DYNC1I2: variants seen among roughly 807,000 people sequenced by gnomAD.
DYNC1I2 encodes the protein dynein cytoplasmic 1 intermediate chain 2, also known as cytoplasmic dynein 1 intermediate chain 2.
DYNC1I2 carries 53 observed loss-of-function variants against 88.6 expected under a neutral mutation model. The observed-to-expected ratio is 0.60, with a 90% CI of 0.48 to 0.75. DYNC1I2 has a LOEUF of 0.75. DYNC1I2 is among the 30% of genes least tolerant of loss of function. The pLI, the probability that DYNC1I2 is intolerant of heterozygous loss-of-function variation, is 0.00. For missense variants in DYNC1I2, 458 were observed against 766.6 expected, an observed-to-expected ratio of 0.60 and a Z score of 4.75; for synonymous variants, 198 against 254.6, an observed-to-expected ratio of 0.78 and a Z score of 2.12.
intron 7 of DYNC1I2, among the ~76,000 whole-genome samples, chr2:171,724,294 A>G (rs1688093944): frequency 6.6e-6 from 1 of 152,222 alleles, no homozygotes; most frequent in African/African-American, 2.4e-5. Flanking sequence ...CTCTAAACCT[A>G]ACAGTATGTG....
chr2:171,722,370 T>C (rs1180498284), intron 7 of DYNC1I2, among the ~76,000 whole-genome samples: 2 of 152,174 alleles, frequency 1.3e-5, no homozygotes, highest in African/African-American at 2.4e-5. Flanking sequence ...GCTACTTTTA[T>C]GCACTCTTTA....
At chr2:171,706,742 A>C in intron 4 of DYNC1I2, 178 bp downstream of exon 4, 1 of 498,972 alleles carries the variant, frequency 2.0e-6, no homozygotes, top group Non-Finnish European at 3.5e-6. Context: ...CTCTAAATTG[A>C]TATCTTTTTT....
chr2:171,706,561 T>C lies in DYNC1I2; in HGVS notation c.241T>C (p.Trp81Arg), dbSNP rs1351973141. ...PESPIVFSEY[W>R]VPPPMSPSSK... ...GTACACTTCAGTTTTTTCTGAATAC[T>C]GGGGTAAGGAAGTTCCCATAAGTCT... is the stretch of plus-strand genomic sequence containing the variant. Residue 81 changes from tryptophan to arginine, a missense_variant, in exon 4 of 18, where the codon TGG becomes CGG. Trp to Arg is a moderately radical substitution (Grantham distance 101). This residue lies in a region of DYNC1I2 where 55 missense variants were observed against 57.1 expected (regional missense o/e 0.96). Transcript: ENST00000397119. 2 of 1,612,208 alleles carry C rather than the reference T, an allele frequency of 1.2e-6. No individual in the cohort carries two copies. The highest frequency in any genetic ancestry group is 1.7e-5 in the Admixed American group (1 of 59,934).
At chr2:171,698,834 A>C (rs1029046012) in intron 3 of DYNC1I2, among the ~76,000 whole-genome samples, 1 of 151,972 alleles carries the variant, frequency 6.6e-6, no homozygotes, top group African/African-American at 2.4e-5. Flanking sequence ...GCGCCACTGC[A>C]CTCCAGCCTG....
rs1395609765 is a variant in DYNC1I2 at position 171,727,905 on chromosome 2, G to A, written c.1081G>A (p.Asp361Asn). Reference protein sequence around the residue: ...GTYSGQIVLWDNRSNKRTPVQ... With the variant: ...GTYSGQIVLWNNRSNKRTPVQ... The stretch of plus-strand genomic sequence containing the variant: ...ATATTCAGGCCAAATTGTGCTTTGG[G>A]ATAACCGTAGCAATAAAAGAACTCC... Residue 361 changes from aspartate to asparagine, a missense_variant, in exon 12 of 18, where the codon GAT becomes AAT. Asp to Asn is a conservative substitution (Grantham distance 23). Transcript: ENST00000397119. The A allele has an allele frequency of 6.2e-7, 1 of 1,613,210 alleles. No homozygotes were observed. Among genetic ancestry groups the A allele is most frequent in the South Asian group, 1.1e-5 (1 of 91,032 alleles).
intron 7 of DYNC1I2, among the ~76,000 whole-genome samples, chr2:171,721,909 G>A (rs1215879003): frequency 1.3e-5 from 2 of 152,080 alleles, no homozygotes; most frequent in African/African-American, 4.8e-5. Flanking sequence ...TTCATAAGTA[G>A]CAATGTTTGT....
At position 171,711,928 on chromosome 2, in the gene DYNC1I2, T is replaced by C. The variant is rs182386850; in HGVS notation, c.336-839T>C. ...TACAGTACCATACATAATTATCTTA[T>C]ATATTGCTAACCTATATAAATGCCA... is the stretch of plus-strand genomic sequence containing the variant. On this transcript the variant is annotated intron_variant, in intron 5 of 17. Transcript: ENST00000397119. 3.3e-5 allele frequency among the ~76,000 whole-genome samples: 5 copies of C among 152,344 alleles called. No individual in the cohort carries two copies. The East Asian group carries it at 7.7e-4, about 23-fold the overall frequency.
At chr2:171,724,465 G>C (rs1688106684) in intron 7 of DYNC1I2, among the ~76,000 whole-genome samples, 2 of 152,186 alleles carry the variant, frequency 1.3e-5, no homozygotes, top group Admixed American at 6.5e-5. Context: ...CCATCCCATT[G>C]CCACCTTGTA....
At chr2:171,715,471 C>A (rs773651634) in intron 7 of DYNC1I2, 28 bp downstream of exon 7, 1 of 1,360,604 alleles carries the variant, frequency 7.3e-7, no homozygotes, top group Non-Finnish European at 1.0e-6. Context: ...GTATAATTGT[C>A]ATTGAGCACC....
chr2:171,714,767 G>T (rs1687369728), intron 6 of DYNC1I2, among the ~76,000 whole-genome samples: 1 of 152,132 alleles, frequency 6.6e-6, no homozygotes. Flanking sequence ...TATTGATCAT[G>T]CAGAGATTAG....
intron 16 of DYNC1I2, 89 bp downstream of exon 16, chr2:171,744,278 A>G: frequency 8.1e-6 from 11 of 1,351,206 alleles, no homozygotes; most frequent in Non-Finnish European, 9.9e-6. Flanking sequence ...TTTCCAAAGA[A>G]TGTAAAAGGG....
At chr2:171,740,229 A>T (rs191286806) in intron 15 of DYNC1I2, among the ~76,000 whole-genome samples, 105 of 152,310 alleles carry the variant, frequency 6.9e-4, no homozygotes, top group Non-Finnish European at 1.4e-3. Flanking sequence ...ACCCTCATAA[A>T]TGATTTGGTT....
chr2:171,728,099 C>G, intron 12 of DYNC1I2, 132 bp downstream of exon 12: 1 of 1,156,770 alleles, frequency 8.6e-7, no homozygotes, highest in Non-Finnish European at 1.2e-6. Context: ...ATTTAGCAAC[C>G]AAGAATGAAG....
Position 171,747,931 on chromosome 2 carries a change from T to C in DYNC1I2, c.*42T>C. ...TGTAACTAGTGGATTTGGGAAAGGT[T>C]CTTAAGTAGATCCTGAGACTATTTG... On this transcript the variant is annotated 3_prime_UTR_variant, in exon 18 of 18. Coordinates refer to ENST00000397119, the MANE Select transcript of DYNC1I2 (RefSeq NM_001378.3). 1.5e-6 allele frequency: 2 copies of C among 1,364,102 alleles called. No homozygotes were observed. Among genetic ancestry groups the C allele is most frequent in the Non-Finnish European group, 2.1e-6 (2 of 963,106 alleles). The allele number at this position is 1,364,102 out of a possible 1,614,324, so 84.5% of individuals were successfully genotyped here. A position where few individuals can be genotyped will look rare whatever the true frequency, so the allele number is the denominator to read the frequency against.
At chr2:171,747,731 A>T (rs200812776) in intron 17 of DYNC1I2, 45 bp from the exon 18 acceptor site, 9 of 1,352,480 alleles carry the variant, frequency 6.7e-6, no homozygotes, top group Non-Finnish European at 8.3e-6. Flanking sequence ...GGGTAAAATG[A>T]TCTTTTATTT....
intron 15 of DYNC1I2, among the ~76,000 whole-genome samples, chr2:171,739,671 C>G (rs932315140): frequency 6.7e-6 from 1 of 148,226 alleles, no homozygotes; most frequent in African/African-American, 2.5e-5. Flanking sequence ...CAAAGGAGGG[C>G]CATCCATTTG....
At chr2:171,741,366 A>G (rs749322036) in intron 15 of DYNC1I2, among the ~76,000 whole-genome samples, 28 of 152,164 alleles carry the variant, frequency 1.8e-4, no homozygotes, top group Non-Finnish European at 2.1e-4. Context: ...CTGTTTTTCA[A>G]GTGGCAGCAC....
At chr2:171,734,634 C>T (rs1439528462) in intron 15 of DYNC1I2, among the ~76,000 whole-genome samples, 1 of 152,126 alleles carries the variant, frequency 6.6e-6, no homozygotes, top group East Asian at 1.9e-4. Flanking sequence ...GCCTAAGGAC[C>T]CTCTGAAACT....
intron 3 of DYNC1I2, among the ~76,000 whole-genome samples, chr2:171,706,026 T>C (rs1413713456): frequency 2.0e-5 from 3 of 152,088 alleles, no homozygotes; most frequent in African/African-American, 7.2e-5. Flanking sequence ...CATAATATAT[T>C]ATACATTTTG....
Sources: gnomAD v4.1 joint callset for allele counts (sites outside exome capture counted in the v4.1 genomes callset) on GRCh38, gnomAD v4.1.1 for gene constraint, gnomAD v4.1.1 regional missense constraint, MANE v1.5 for transcripts, NCBI Gene and HGNC (gene_info 2026-07-23, HGNC 2026-07-21) for gene names.